IL10RA: variants seen among roughly 807,000 people sequenced by gnomAD.
The protein encoded by IL10RA is interleukin 10 receptor subunit alpha, also known as interleukin-10 receptor subunit alpha.
IL10RA carries 18 observed loss-of-function variants against 29.6 expected under a neutral mutation model. The ratio of observed to expected loss-of-function variants is 0.61; its 90% CI spans 0.42 to 0.90. The LOEUF is 0.90. Among genes scored for constraint, IL10RA ranks in the 40% least tolerant of loss-of-function variants. IL10RA has a pLI of 0.00. For missense variants in IL10RA, 634 were observed against 716.6 expected (o/e 0.88, Z 1.32); for synonymous variants, 292 against 294.1 (o/e 0.99, Z 0.07).
intron 1 of IL10RA, 123 bp from the exon 2 acceptor site, chr11:117,988,259 A>T: frequency 8.2e-7 from 1 of 1,220,482 alleles, no homozygotes; most frequent in Non-Finnish European, 1.2e-6. Context: ...TCTGCCCCTT[A>T]CGGGCTCCGC....
At chr11:117,988,536 A>C (rs1227901029) in intron 2 of IL10RA, 34 bp downstream of exon 2, 1 of 1,611,758 alleles carries the variant, frequency 6.2e-7, no homozygotes, top group Non-Finnish European at 8.5e-7. Flanking sequence ...GGGAGGGAGG[A>C]GTGAATCCCC....
chr11:117,997,271 A>G (rs747340031), intron 6 of IL10RA, among the ~76,000 whole-genome samples: 2 of 152,224 alleles, frequency 1.3e-5, no homozygotes, highest in Non-Finnish European at 2.9e-5. Context: ...TCAATTCAAC[A>G]TATATTTATT....
rs577615614 is a variant in IL10RA at position 118,000,063 on chromosome 11, G to T, written c.*422G>T. 1 of 459,980 alleles carries T rather than the reference G, an allele frequency of 2.2e-6. No individual in the cohort carries two copies. Among genetic ancestry groups the T allele is most frequent in the Non-Finnish European group, 4.3e-6 (1 of 230,988 alleles). 28.5% of individuals were successfully genotyped at this position (459,980 alleles called of 1,614,324 possible). On this transcript the variant is annotated 3_prime_UTR_variant, in exon 7 of 7. Transcript: ENST00000227752. ...CTGCTTAGGCCACTCGAGCATCAGA[G>T]CTTCCAGCAGGAGGAAGGGCTGTAG...
chr11:117,991,303 A>G (rs901462098), intron 3 of IL10RA, among the ~76,000 whole-genome samples: 2 of 152,238 alleles, frequency 1.3e-5, no homozygotes, highest in African/African-American at 4.8e-5. Flanking sequence ...TATGAGGTAC[A>G]GTGTTATGTA....
At position 117,986,582 on chromosome 11, in the gene IL10RA, C is replaced by T. The variant is rs765282374; in HGVS notation, c.67+48C>T. On this transcript the variant is annotated intron_variant, in intron 1 of 6. Transcript: ENST00000227752. The stretch of plus-strand genomic sequence containing the variant: ...TTCCCTGCCCTGCCCTCTCCGCGCC[C>T]GCTCCATTAAAGTTCTCCATCCAGT... 5 of 1,548,410 alleles carry T rather than the reference C, an allele frequency of 3.2e-6. No individual in the cohort carries two copies. In the East Asian group the frequency reaches 9.8e-5, roughly 30 times the overall value.
intron 4 of IL10RA, 126 bp downstream of exon 4, chr11:117,993,536 G>A: frequency 2.4e-6 from 2 of 842,458 alleles, no homozygotes; most frequent in Non-Finnish European, 4.0e-6. Flanking sequence ...GGGATGGTGG[G>A]TGGGCAGAGG....
At chr11:117,995,557 C>G in intron 5 of IL10RA, 32 bp from the exon 6 acceptor site, 1 of 1,613,702 alleles carries the variant, frequency 6.2e-7, no homozygotes, top group Non-Finnish European at 8.5e-7. Flanking sequence ...CCCATGGTGA[C>G]AGGCCACAAA....
rs532265965 is a variant in IL10RA, at chr11:117,993,244, C to T, written c.371C>T (p.Thr124Ile). 1 of 1,613,874 alleles carries T rather than the reference C, an allele frequency of 6.2e-7. No individual in the cohort carries two copies. Among genetic ancestry groups the T allele is most frequent in the African/African-American group, 1.3e-5 (1 of 74,902 alleles). The change falls in exon 4 of 7, where the codon ACT (threonine) becomes ATT (isoleucine). Residue 124 changes from threonine (T) to isoleucine (I), a missense_variant. Thr to Ile is a moderately conservative substitution (Grantham distance 89). Transcript: ENST00000227752. ...CCCCCACCCCAACTCCATTTAGTGA[C>T]TCTGACAGTTGGCAGTGTGAACCTA... ...TNTRFSVDEV[T>I]LTVGSVNLEI...
In IL10RA at chr11:117,995,728, G is replaced by T. The variant is rs1395025285; in HGVS notation, c.810+18G>T. On this transcript the variant is annotated intron_variant, in intron 6 of 6. Transcript: ENST00000227752. ...GTGTCCTGGTGAGTCTTGCAAGGAG[G>T]TCACTGCCCCGTCCTTCCCAGCCAC... 6.2e-7 allele frequency: 1 copy of T among 1,611,020 alleles called. No homozygotes were observed. Among genetic ancestry groups the T allele is most frequent in the Admixed American group, 1.7e-5 (1 of 59,982 alleles).
chr11:117,993,120 C>A (rs960199091), intron 3 of IL10RA, 121 bp from the exon 4 acceptor site: 136 of 896,064 alleles, frequency 1.5e-4, no homozygotes, highest in Middle Eastern at 6.5e-4. Flanking sequence ...AACCTGTGGC[C>A]AAGTTTTAGG....
At chr11:117,988,238 C>T (rs1038706401) in intron 1 of IL10RA, 144 bp from the exon 2 acceptor site, 5 of 925,068 alleles carry the variant, frequency 5.4e-6, no homozygotes, top group Non-Finnish European at 7.0e-6. Flanking sequence ...CATGTGGATT[C>T]ATGTGCCCAC....
At chr11:118,001,589 G>A (rs1198545263), downstream of IL10RA, 6 of 363,200 alleles carry the variant, frequency 1.7e-5, no homozygotes, top group African/African-American at 1.3e-4. Context: ...GTCACTTTAA[G>A]GAAACAGGGC....
At chr11:117,994,881 A>C (rs2058046374) in intron 5 of IL10RA, 1 of 155,572 alleles carries the variant, frequency 6.4e-6, no homozygotes, top group African/African-American at 2.4e-5. Flanking sequence ...CAGTTTGTGA[A>C]GGACACTCAA....
chr11:117,990,128 A>C, intron 3 of IL10RA, among the ~76,000 whole-genome samples: 1 of 152,194 alleles, frequency 6.6e-6, no homozygotes, highest in Admixed American at 6.5e-5. Context: ...TCATCCCACC[A>C]GTTGGGATTG....
chr11:117,993,189 C>T (rs1334803284), intron 3 of IL10RA, 52 bp from the exon 4 acceptor site: 1 of 1,549,588 alleles, frequency 6.5e-7, no homozygotes, highest in South Asian at 1.1e-5. Flanking sequence ...CACCCAGGCC[C>T]TCCTCAGCCC....
In IL10RA at chr11:118,000,367, A is replaced by G; in HGVS notation, c.*726A>G. ...ATCTGCAAATATCTCCCTCTCTCCAACAAATGGAGTAGCATCCCCCTGGGG... is the reference window on the plus strand; with the variant it reads ...ATCTGCAAATATCTCCCTCTCTCCAGCAAATGGAGTAGCATCCCCCTGGGG... On this transcript the variant is annotated 3_prime_UTR_variant, in exon 7 of 7. Transcript: ENST00000227752. The G allele has an allele frequency of 2.2e-6, 1 of 454,160 alleles. No individual in the cohort carries two copies. The highest frequency in any genetic ancestry group is 4.4e-6 in the Non-Finnish European group (1 of 226,762). The allele number at this position is 454,160 out of a possible 1,614,324, so 28.1% of individuals were successfully genotyped here. A position where few individuals can be genotyped will look rare whatever the true frequency, so the allele number is the denominator to read the frequency against.
rs1792766678 is a variant in IL10RA at position 118,001,239 on chromosome 11, TGGA to T, written c.*1599_*1601del. 1 of 454,110 alleles carries T rather than the reference TGGA, an allele frequency of 2.2e-6. No homozygotes were observed. The highest frequency in any genetic ancestry group is 2.0e-5 in the African/African-American group (1 of 50,020). The allele number at this position is 454,110 out of a possible 1,614,324, so 28.1% of individuals were successfully genotyped here. On this transcript the variant is annotated 3_prime_UTR_variant, in exon 7 of 7. Coordinates refer to ENST00000227752, the MANE Select transcript of IL10RA (RefSeq NM_001558.4). The stretch of plus-strand genomic sequence containing the variant: ...GCAGCATTGCACAGTGAAAGAATTC[TGGA>T]TATCTCAGGAGCCCCGAAATTCTAG...
chr11:117,995,595 C>T lies in IL10RA; in HGVS notation c.695C>T (p.Thr232Ile), dbSNP rs762851919. The change falls in exon 6 of 7, where the codon ACC (threonine) becomes ATC (isoleucine). Residue 232 changes from threonine to isoleucine, a missense_variant. By Grantham distance (89) the Thr-to-Ile change is moderately conservative (BLOSUM62 -1). Transcript: ENST00000227752. ...ECISLTRQYF[T>I]VTNVIIFFAF... ...CATCTCTCTGGGCCTGCAGATTTCA[C>T]CGTGACCAACGTCATCATCTTCTTT... is the stretch of plus-strand genomic sequence containing the variant. 1.2e-6 allele frequency: 2 copies of T among 1,614,082 alleles called. No homozygotes were observed. The highest frequency in any genetic ancestry group is 1.7e-6 in the Non-Finnish European group (2 of 1,180,050).
At chr11:117,990,935 G>A (rs4252256) in intron 3 of IL10RA, among the ~76,000 whole-genome samples, 5,991 of 152,104 alleles carry the variant, frequency 0.039, 290 homozygotes, top group African/African-American at 0.12. Context: ...GGTGGCTCAC[G>A]GCTGTAATCC....
Sources: gnomAD v4.1 joint callset for allele counts (sites outside exome capture counted in the v4.1 genomes callset) on GRCh38, gnomAD v4.1.1 for gene constraint, MANE v1.5 for transcripts, NCBI Gene and HGNC (gene_info 2026-07-23, HGNC 2026-07-21) for gene names.